F5: variants seen among roughly 807,000 people sequenced by gnomAD.
F5 encodes coagulation factor V, also known as activated protein c cofactor.
In F5, 138 loss-of-function variants were observed where a neutral mutation model predicts 216.4. The ratio of observed to expected loss-of-function variants is 0.64; its 90% CI spans 0.56 to 0.73. The LOEUF is 0.73. Among genes scored for constraint, F5 ranks in the 30% least tolerant of loss-of-function variants. The probability of loss-of-function intolerance (pLI) is 0.00; values close to 1 mark genes in which losing one functional copy is unlikely to be tolerated. For missense variants in F5, 2,403 were observed against 2,674.0 expected, an observed-to-expected ratio of 0.90 and a Z score of 2.24; for synonymous variants, 916 against 930.7, an observed-to-expected ratio of 0.98 and a Z score of 0.29.
Position 169,525,893 on chromosome 1 carries a change from T to C in F5, c.5716+8A>G. 3 of 1,597,254 alleles carry C rather than the reference T, an allele frequency of 1.9e-6. No individual in the cohort carries two copies. The highest frequency in any genetic ancestry group is 2.6e-6 in the Non-Finnish European group (3 of 1,164,934). The stretch of plus-strand genomic sequence containing the variant: ...GCCAAACCAAATATCACATGGCTCT[T>C]GTGATACCTCTGTCCATGATAAGAA... On this transcript the variant is annotated splice_region_variant and intron_variant, in intron 18 of 24. Transcript: ENST00000367797.
chr1:169,562,411 C>T (rs1660503946), intron 3 of F5, among the ~76,000 whole-genome samples: 1 of 151,902 alleles, frequency 6.6e-6, no homozygotes, highest in Non-Finnish European at 1.5e-5. Flanking sequence ...TTTAGCATTG[C>T]TTTTTTATTC....
intron 3 of F5, among the ~76,000 whole-genome samples, chr1:169,569,168 A>G (rs1660670796): frequency 6.6e-6 from 1 of 152,092 alleles, no homozygotes. Flanking sequence ...AGGCCAAAAT[A>G]TTCAGATGAG....
chr1:169,541,964 A>G lies in F5; in HGVS notation c.3126T>C (p.Pro1042=). 2 of 1,614,086 alleles carry G rather than the reference A, an allele frequency of 1.2e-6. No homozygotes were observed. Among genetic ancestry groups the G allele is most frequent in the Middle Eastern group, 1.6e-4 (1 of 6,062 alleles). Residue 1042 remains proline, a synonymous_variant, in exon 13 of 25, where the codon CCT becomes CCC. Coordinates refer to ENST00000367797, the MANE Select transcript of F5 (RefSeq NM_000130.5). ...KKKEKHTHHA[P]LSPRTFHPLR... ...GAGGGTGAAAGGTCCTCGGAGATAA[A>G]GGAGCATGGTGTGTGTGCTTCTCTT...
chr1:169,549,658 T>A (rs550103103), intron 10 of F5, 143 bp downstream of exon 10: 281 of 646,030 alleles, frequency 4.3e-4, no homozygotes, highest in Non-Finnish European at 6.4e-4. Flanking sequence ...GAATAAATGT[T>A]ATCACACTGG....
At position 169,560,714 on chromosome 1, in the gene F5, C is replaced by T; in HGVS notation, c.426G>A (p.Val142=). ...TFPAEKMDDA[V]APGREYTYEW... is the part of the protein sequence containing the mutation. ...CATAGGTGTATTCTCGGCCTGGAGC[C>T]ACAGCGTCGTCCATCTTCTCCGCAG... The change falls in exon 4 of 25, where the codon GTG becomes GTA. Residue 142 remains valine (V), a synonymous_variant. Transcript: ENST00000367797. 1 of 1,613,398 alleles carries T rather than the reference C, an allele frequency of 6.2e-7. No individual in the cohort carries two copies. The highest frequency in any genetic ancestry group is 1.1e-5 in the South Asian group (1 of 91,058).
intron 2 of F5, among the ~76,000 whole-genome samples, chr1:169,576,583 C>A (rs1020361756): frequency 6.6e-6 from 1 of 152,140 alleles, no homozygotes; most frequent in Non-Finnish European, 1.5e-5. Flanking sequence ...ATTCCTTCCA[C>A]GGGGCAGGCT....
At position 169,523,343 on chromosome 1, in the gene F5, G is replaced by T. The variant is rs767876862; in HGVS notation, c.5902C>A (p.Gln1968Lys). The T allele has an allele frequency of 1.2e-6, 2 of 1,613,932 alleles. No homozygotes were observed. Among genetic ancestry groups the T allele is most frequent in the South Asian group, 2.2e-5 (2 of 91,078 alleles). Residue 1968 changes from glutamine (Q) to lysine (K), a missense_variant, in exon 21 of 25, where the codon CAA becomes AAA. Gln to Lys is a moderately conservative substitution (Grantham distance 53). Transcript: ENST00000367797. ...ATCCCTGTGATTATGACTTCCTTTT[G>T]CATGTCCACCTGCAATATAGGAAAG... ...ASKPWIQVDM[Q>K]KEVIITGIQT...
intron 2 of F5, among the ~76,000 whole-genome samples, chr1:169,580,111 C>T (rs1194272365): frequency 6.6e-6 from 1 of 152,108 alleles, no homozygotes; most frequent in Non-Finnish European, 1.5e-5. Context: ...CCTTGCCTCC[C>T]CACTTGGCTT....
At position 169,542,724 on chromosome 1, in the gene F5, T is replaced by C. The variant is rs1280726543; in HGVS notation, c.2366A>G (p.Asn789Ser). The C allele has an allele frequency of 6.2e-7, 1 of 1,614,154 alleles. No homozygotes were observed. Among genetic ancestry groups the C allele is most frequent in the South Asian group, 1.1e-5 (1 of 91,090 alleles). Residue 789 changes from asparagine to serine, a missense_variant, in exon 13 of 25, where the codon AAT (asparagine) becomes AGT (serine). Asn to Ser is a conservative substitution (Grantham distance 46). Transcript: ENST00000367797. ...GGCTTTCTGAGGTTCTGCAAGGTTA[T>C]TGACAGTGAACTTACTAATATTACT... ...SPSNISKFTV[N>S]NLAEPQKAPS... is the part of the protein sequence containing the mutation.
At chr1:169,558,019 C>T (rs969161010) in intron 5 of F5, among the ~76,000 whole-genome samples, 1 of 152,292 alleles carries the variant, frequency 6.6e-6, no homozygotes, top group Non-Finnish European at 1.5e-5. Context: ...AATTCGTAAA[C>T]TCTAAGCTCA....
chr1:169,543,590 C>T (rs1293775263), intron 12 of F5, among the ~76,000 whole-genome samples: 1 of 152,108 alleles, frequency 6.6e-6, no homozygotes, highest in East Asian at 1.9e-4. Context: ...TCTATCCCCA[C>T]AAATAAGAGA....
rs9332576 is a variant in F5, at chr1:169,557,118, ATG to A, written c.731-253_731-252del. 1.3e-3 allele frequency among the ~76,000 whole-genome samples: 203 copies of A among 152,370 alleles called. 1 individual carries two copies. Among genetic ancestry groups the A allele is most frequent in the African/African-American group, 4.8e-3 (199 of 41,592 alleles). Reference sequence around the variant, plus strand: ...TAACAACAGAGCTTAGAGATGGTGGATGTGAACTCAAAAACACAGGGATTGCT... The same window carrying A: ...TAACAACAGAGCTTAGAGATGGTGGATGAACTCAAAAACACAGGGATTGCT... On this transcript the variant is annotated intron_variant, in intron 5 of 24. Coordinates refer to ENST00000367797, the MANE Select transcript of F5 (RefSeq NM_000130.5).
chr1:169,548,672 A>G (rs10919187), intron 10 of F5, among the ~76,000 whole-genome samples: 9,791 of 152,192 alleles, frequency 0.064, 442 homozygotes, highest in Admixed American at 0.11. Flanking sequence ...GTTCGAGACC[A>G]GCCTAGCCAA....
intron 1 of F5, 106 bp downstream of exon 1, chr1:169,586,123 T>TA: frequency 7.6e-7 from 1 of 1,315,000 alleles, no homozygotes; most frequent in Non-Finnish European, 1.1e-6. Context: ...TTTACTTACC[T>TA]GAAGTTAAAA....
intron 23 of F5, 82 bp from the exon 24 acceptor site, chr1:169,515,708 A>G: frequency 7.1e-7 from 1 of 1,407,450 alleles, no homozygotes; most frequent in Non-Finnish European, 9.9e-7. Context: ...GCAAAAAAGC[A>G]CAGAGCTCAA....
chr1:169,550,067 T>C (rs761540284), intron 9 of F5, 52 bp from the exon 10 acceptor site: 2 of 1,354,198 alleles, frequency 1.5e-6, no homozygotes, highest in Non-Finnish European at 1.1e-6. Context: ...TATTTCATGA[T>C]AATAAATAAA....
At chr1:169,521,518 A>G (rs183366327) in intron 21 of F5, among the ~76,000 whole-genome samples, 2 of 152,140 alleles carry the variant, frequency 1.3e-5, no homozygotes, top group Admixed American at 1.3e-4. Flanking sequence ...GAAAAAGCCA[A>G]CTTTTTAAAA....
At chr1:169,579,416 A>G (rs1660939399) in intron 2 of F5, among the ~76,000 whole-genome samples, 1 of 151,968 alleles carries the variant, frequency 6.6e-6, no homozygotes, top group African/African-American at 2.4e-5. Flanking sequence ...CACCCTCTAA[A>G]TTCTTCATTT....
intron 3 of F5, among the ~76,000 whole-genome samples, chr1:169,561,634 G>A (rs1660489968): frequency 6.6e-6 from 1 of 152,110 alleles, no homozygotes; most frequent in Non-Finnish European, 1.5e-5. Flanking sequence ...TCTGCCTGAG[G>A]AATTCCTCAT....
Sources: allele counts gnomAD v4.1 joint callset (sites outside exome capture counted in the v4.1 genomes callset), GRCh38; gene constraint gnomAD v4.1.1; transcripts MANE v1.5; gene names NCBI Gene and HGNC (gene_info 2026-07-23, HGNC 2026-07-21).